Variants in CFAP69 observed in about 807,000 individuals in gnomAD.
The protein encoded by CFAP69 is cilia- and flagella-associated protein 69.
A neutral mutation model predicts 123.0 loss-of-function variants in CFAP69; 92 were observed. The observed-to-expected ratio is 0.75, with a 90% confidence interval of 0.63 to 0.89. The LOEUF (loss-of-function observed/expected upper bound fraction) is 0.89, where lower values mean the gene tolerates loss of function less well. Ranked by LOEUF, CFAP69 falls within the 40% of genes least tolerant of loss-of-function variation. CFAP69 has a pLI of 0.00. For synonymous variants in CFAP69, 380 were observed against 364.3 expected, an observed-to-expected ratio of 1.04 and a Z score of -0.49; for missense variants, 1,067 against 1,096.9, an observed-to-expected ratio of 0.97 and a Z score of 0.39.
intron 6 of CFAP69, among the ~76,000 whole-genome samples, chr7:90,270,983 G>A (rs1799868096): frequency 6.6e-6 from 1 of 152,036 alleles, no homozygotes; most frequent in Non-Finnish European, 1.5e-5. Flanking sequence ...CTGACACTAC[G>A]TAATTGTTGT....
At chr7:90,248,275 C>A (rs1259506922) in intron 1 of CFAP69, among the ~76,000 whole-genome samples, 1 of 152,110 alleles carries the variant, frequency 6.6e-6, no homozygotes, top group Admixed American at 6.6e-5. Flanking sequence ...TTTCAGTTAC[C>A]CTAACCTTAG....
intron 18 of CFAP69, chr7:90,304,496 C>A: frequency 7.9e-7 from 1 of 1,264,054 alleles, no homozygotes; most frequent in Non-Finnish European, 9.9e-7. Flanking sequence ...TGTCTGACTA[C>A]AACACAGAAA....
In CFAP69 at chr7:90,297,752, C is replaced by G. The variant is rs1269409177; in HGVS notation, c.1779C>G (p.Cys593Trp). The change falls in exon 16 of 23, where the codon TGC becomes TGG. Residue 593 changes from cysteine (C) to tryptophan (W), a missense_variant. Transcript: ENST00000389297. ...LLFSTLDSIWCCILGCYPSED... is the reference protein window; with the variant it reads ...LLFSTLDSIWWCILGCYPSED... ...AATAACTTTCTTTTAATTTAAGGTGCTGTATTTTGGGATGTTATCCCTCAG... is the reference window on the plus strand; with the variant it reads ...AATAACTTTCTTTTAATTTAAGGTGGTGTATTTTGGGATGTTATCCCTCAG... The G allele has an allele frequency of 6.4e-7, 1 of 1,560,362 alleles. No homozygotes were observed. Among genetic ancestry groups the G allele is most frequent in the Non-Finnish European group, 8.7e-7 (1 of 1,155,612 alleles).
intron 9 of CFAP69, 82 bp downstream of exon 9, chr7:90,274,192 A>G (rs1403289875): frequency 5.3e-6 from 8 of 1,498,462 alleles, no homozygotes; most frequent in Non-Finnish European, 6.3e-6. Flanking sequence ...ATGTTGGAAT[A>G]TTTGTGTATT....
chr7:90,286,578 C>T lies in CFAP69; in HGVS notation c.1656+179C>T, dbSNP rs1790317604. ...TATACAACAGTATACACCCATTTAA[C>T]TCATACCCCCAATTAAAACAGAGAA... On this transcript the variant is annotated intron_variant, in intron 14 of 22. Transcript: ENST00000389297. The T allele has an allele frequency of 5.9e-6, 3 of 509,490 alleles. No homozygotes were observed. In the South Asian group the frequency reaches 9.8e-5, roughly 17 times the overall value. The allele number at this position is 509,490 out of a possible 1,614,324, so 31.6% of individuals were successfully genotyped here.
chr7:90,320,361 C>G, the CFAP69 span: 1 of 152,144 alleles, frequency 6.6e-6, no homozygotes. Flanking sequence ...TGTTTAGGAG[C>G]TGGTTGGAGA....
chr7:90,279,551 T>G, intron 11 of CFAP69, 126 bp from the exon 12 acceptor site: 1 of 563,014 alleles, frequency 1.8e-6, no homozygotes. Flanking sequence ...TAGATTGGGG[T>G]TATTTTATAA....
intron 1 of CFAP69, among the ~76,000 whole-genome samples, chr7:90,246,478 T>C (rs922346848): frequency 6.6e-6 from 1 of 152,230 alleles, no homozygotes; most frequent in African/African-American, 2.4e-5. Context: ...GAGAGTTCCT[T>C]GGGAGTGGTC....
chr7:90,276,935 C>T (rs1788697081), intron 9 of CFAP69, 138 bp from the exon 10 acceptor site: 1 of 593,372 alleles, frequency 1.7e-6, no homozygotes, highest in Non-Finnish European at 2.7e-6. Context: ...CTCTTTATTA[C>T]TATTCATGCT....
Position 90,297,677 on chromosome 7 carries a change from T to G in CFAP69, c.1776-72T>G, listed in dbSNP as rs1056875326. The G allele has an allele frequency of 3.3e-6, 3 of 908,484 alleles. No homozygotes were observed. In the East Asian group the frequency reaches 8.6e-5, roughly 26 times the overall value. 56.3% of individuals were successfully genotyped at this position (908,484 alleles called of 1,614,324 possible). ...AACATATTCTTTGAAAATGCTTTGA[T>G]AAAGATAAAGCTGTACAAATTCAGT... On this transcript the variant is annotated intron_variant, in intron 15 of 22. Transcript: ENST00000389297.
intron 13 of CFAP69, 21 bp from the exon 14 acceptor site, chr7:90,286,260 C>T: frequency 6.4e-7 from 1 of 1,573,028 alleles, no homozygotes; most frequent in African/African-American, 1.4e-5. Context: ...ACTATACAGT[C>T]TTTAAATGTT....
At chr7:90,277,046 T>C in intron 9 of CFAP69, 27 bp from the exon 10 acceptor site, 1 of 1,481,338 alleles carries the variant, frequency 6.8e-7, no homozygotes, top group Non-Finnish European at 9.1e-7. Flanking sequence ...CATTCATCTT[T>C]CTGCTTATTT....
chr7:90,263,225 C>A (rs1798576849), intron 4 of CFAP69, among the ~76,000 whole-genome samples: 1 of 152,050 alleles, frequency 6.6e-6, no homozygotes. Context: ...CTGCAGTCTT[C>A]ATTTTCCCTC....
At chr7:90,284,311 T>C (rs1789939230) in intron 13 of CFAP69, among the ~76,000 whole-genome samples, 1 of 152,186 alleles carries the variant, frequency 6.6e-6, no homozygotes. Flanking sequence ...TGTAAATGTT[T>C]ATACACTTCC....
chr7:90,247,503 A>G (rs892570491), intron 1 of CFAP69, among the ~76,000 whole-genome samples: 1 of 152,178 alleles, frequency 6.6e-6, no homozygotes, highest in Non-Finnish European at 1.5e-5. Flanking sequence ...TAACCTTTCT[A>G]TCAAATGGAG....
intron 6 of CFAP69, 94 bp downstream of exon 6, chr7:90,268,478 A>G: frequency 8.8e-6 from 8 of 912,248 alleles, no homozygotes; most frequent in Non-Finnish European, 1.3e-5. Context: ...CAGTGGGCTC[A>G]TAAATGTAAC....
intron 15 of CFAP69, among the ~76,000 whole-genome samples, chr7:90,296,326 T>C (rs2117277657): frequency 6.6e-6 from 1 of 151,866 alleles, no homozygotes; most frequent in East Asian, 1.9e-4. Flanking sequence ...TTTGTTGTTA[T>C]TGTTGTTGTT....
intron 13 of CFAP69, among the ~76,000 whole-genome samples, chr7:90,283,814 C>T (rs1167414275): frequency 6.6e-6 from 1 of 152,040 alleles, no homozygotes; most frequent in East Asian, 1.9e-4. Flanking sequence ...TAAATGCCTA[C>T]TCAAAAAATC....
intron 12 of CFAP69, among the ~76,000 whole-genome samples, chr7:90,280,102 C>T (rs184174719): frequency 6.6e-6 from 1 of 152,234 alleles, no homozygotes; most frequent in Non-Finnish European, 1.5e-5. Flanking sequence ...TTGATGCACA[C>T]CCGAAAGAAA....
Sources: gnomAD v4.1 joint callset for allele counts (sites outside exome capture counted in the v4.1 genomes callset) on GRCh38, gnomAD v4.1.1 for gene constraint, MANE v1.5 for transcripts, NCBI Gene and HGNC (gene_info 2026-07-23, HGNC 2026-07-21) for gene names.